The following MUC7 variants were observed in gnomAD, a reference collection of about 807,000 sequenced individuals.
The protein encoded by MUC7 is mucin-7.
In MUC7, 2 loss-of-function variants were observed where a neutral mutation model predicts 2.5. The observed-to-expected ratio is 0.81, with a 90% CI of 0.33 to 2.55. The LOEUF (loss-of-function observed/expected upper bound fraction) is 2.55, where lower values mean the gene tolerates loss of function less well. Among genes scored for constraint, MUC7 ranks in the 30% most tolerant of loss-of-function variants. MUC7 has a pLI of 0.11. For synonymous variants in MUC7, 133 were observed against 173.4 expected (o/e 0.77, Z 1.83); for missense variants, 408 against 455.6 (o/e 0.90, Z 0.95).
intron 1 of MUC7, among the ~76,000 whole-genome samples, chr4:70,460,802 T>C (rs1399992312): frequency 1.3e-5 from 2 of 152,130 alleles, no homozygotes; most frequent in African/African-American, 2.4e-5. Flanking sequence ...TGTTGTCATA[T>C]GGGGGCTGTG....
chr4:70,466,766 T>G (rs1414363530), intron 1 of MUC7, among the ~76,000 whole-genome samples: 1 of 152,140 alleles, frequency 6.6e-6, no homozygotes, highest in Non-Finnish European at 1.5e-5. Flanking sequence ...AGCAAGTTCT[T>G]AGAGACCTAC....
chr4:70,460,625 T>G (rs899050781), intron 1 of MUC7, among the ~76,000 whole-genome samples: 2 of 152,064 alleles, frequency 1.3e-5, no homozygotes, highest in African/African-American at 4.8e-5. Context: ...GTTTCCTTTG[T>G]CCTGGGGGCC....
chr4:70,465,912 T>C (rs938442001), intron 1 of MUC7, among the ~76,000 whole-genome samples: 4 of 152,084 alleles, frequency 2.6e-5, no homozygotes, highest in South Asian at 4.1e-4. Context: ...ACAAGGATAC[T>C]CATTGAGAAG....
upstream of MUC7, among the ~76,000 whole-genome samples, chr4:70,467,891 T>A (rs895039775): frequency 6.6e-6 from 1 of 152,084 alleles, no homozygotes; most frequent in Non-Finnish European, 1.5e-5. Flanking sequence ...AAAAAGGGAC[T>A]CCTCCTTAAC....
At chr4:70,439,734 G>A (rs1733955157) in intron 1 of MUC7, among the ~76,000 whole-genome samples, 2 of 152,112 alleles carry the variant, frequency 1.3e-5, no homozygotes, top group South Asian at 4.2e-4. Flanking sequence ...AAATAAGACT[G>A]TTTAGAAGTG....
At chr4:70,476,090 C>A (rs116731605) in intron 2 of MUC7, among the ~76,000 whole-genome samples, 1 of 152,056 alleles carries the variant, frequency 6.6e-6, no homozygotes, top group African/African-American at 2.4e-5. Context: ...AAAATAATAA[C>A]AACACTATAT....
chr4:70,439,357 G>A (rs1163029201), intron 1 of MUC7, among the ~76,000 whole-genome samples: 1 of 152,134 alleles, frequency 6.6e-6, no homozygotes, highest in Non-Finnish European at 1.5e-5. Flanking sequence ...AAAAAGTCTG[G>A]ATTTCATTCA....
intron 1 of MUC7, among the ~76,000 whole-genome samples, chr4:70,434,740 T>C (rs1733781709): frequency 6.6e-6 from 1 of 152,242 alleles, no homozygotes; most frequent in South Asian, 2.1e-4. Flanking sequence ...ATTTCTTGCC[T>C]TCTGCGAGCT....
At chr4:70,436,776 C>A (rs184558466) in intron 1 of MUC7, among the ~76,000 whole-genome samples, 100 of 152,168 alleles carry the variant, frequency 6.6e-4, no homozygotes, top group Middle Eastern at 3.4e-3. Flanking sequence ...GGAAAAGAGG[C>A]GTTTTGGTTT....
chr4:70,468,470 G>A (rs1350990669), upstream of MUC7, among the ~76,000 whole-genome samples: 1 of 152,230 alleles, frequency 6.6e-6, no homozygotes, highest in East Asian at 1.9e-4. Flanking sequence ...AAGTCAAATT[G>A]TCTCTGTTTG....
At chr4:70,447,798 A>C (rs1452890434) in intron 1 of MUC7, among the ~76,000 whole-genome samples, 1 of 152,164 alleles carries the variant, frequency 6.6e-6, no homozygotes, top group Admixed American at 6.5e-5. Context: ...CAATCCAACT[A>C]TACTCTTTCA....
intron 1 of MUC7, among the ~76,000 whole-genome samples, chr4:70,459,031 T>C (rs901225769): frequency 6.6e-6 from 1 of 152,094 alleles, no homozygotes; most frequent in Non-Finnish European, 1.5e-5. Context: ...CCTTGAAATA[T>C]AAAGCAGTAT....
intron 1 of MUC7, among the ~76,000 whole-genome samples, chr4:70,440,272 A>AT (rs950108906): frequency 2.0e-5 from 3 of 152,164 alleles, no homozygotes; most frequent in African/African-American, 4.8e-5. Context: ...AGAAACATTA[A>AT]TTTTTTTGTT....
At chr4:70,449,668 C>T (rs186786094) in intron 1 of MUC7, among the ~76,000 whole-genome samples, 46 of 152,264 alleles carry the variant, frequency 3.0e-4, no homozygotes, top group Non-Finnish European at 2.9e-4. Context: ...GTGGGCACCG[C>T]GAGTCAGTAA....
At chr4:70,467,046 C>G (rs1175980851) in intron 1 of MUC7, among the ~76,000 whole-genome samples, 1 of 152,082 alleles carries the variant, frequency 6.6e-6, no homozygotes, top group Non-Finnish European at 1.5e-5. Context: ...GAATGGAAAT[C>G]ATAACAAACA....
At chr4:70,446,369 G>A (rs1030135037) in intron 1 of MUC7, among the ~76,000 whole-genome samples, 1 of 152,110 alleles carries the variant, frequency 6.6e-6, no homozygotes, top group Non-Finnish European at 1.5e-5. Context: ...CTGAAATCAA[G>A]GTGTCTACAG....
At chr4:70,446,103 C>T (rs1412763738) in intron 1 of MUC7, among the ~76,000 whole-genome samples, 1 of 152,142 alleles carries the variant, frequency 6.6e-6, no homozygotes, top group East Asian at 1.9e-4. Context: ...TTAGGATCCA[C>T]ATACAGAAGC....
intron 1 of MUC7, among the ~76,000 whole-genome samples, chr4:70,454,763 C>T (rs2109719120): frequency 6.6e-6 from 1 of 152,274 alleles, no homozygotes; most frequent in South Asian, 2.1e-4. Context: ...CTGGTTTATT[C>T]TTCCCAGAAA....
At chr4:70,444,722 C>G (rs1041508228) in intron 1 of MUC7, among the ~76,000 whole-genome samples, 30 of 152,180 alleles carry the variant, frequency 2.0e-4, no homozygotes, top group Non-Finnish European at 4.0e-4. Context: ...TATACTGGTA[C>G]TTATTCTACT....
Sources: allele counts gnomAD v4.1 joint callset (sites outside exome capture counted in the v4.1 genomes callset), GRCh38; gene constraint gnomAD v4.1.1; transcripts MANE v1.5; gene names NCBI Gene and HGNC (gene_info 2026-07-23, HGNC 2026-07-21).